Variants in TAFA5 observed in about 807,000 individuals in gnomAD.
TAFA5 encodes TAFA chemokine like family member 5, also known as chemokine-like protein TAFA-5.
A neutral mutation model predicts 15.3 loss-of-function variants in TAFA5; 6 were observed. That is an observed-to-expected ratio of 0.39 (90% confidence interval 0.21 to 0.77). TAFA5 has a LOEUF of 0.77. Ranked by LOEUF, TAFA5 falls within the 30% of genes least tolerant of loss-of-function variation. The pLI is 0.41. For missense variants in TAFA5, 161 were observed against 193.1 expected, an observed-to-expected ratio of 0.83 and a Z score of 0.98; for synonymous variants, 103 against 80.7, an observed-to-expected ratio of 1.28 and a Z score of -1.48.
chr22:48,726,625 G>T (rs1399965677), intron 3 of TAFA5, among the ~76,000 whole-genome samples: 1 of 136,190 alleles, frequency 7.3e-6, no homozygotes, highest in Non-Finnish European at 1.6e-5. Flanking sequence ...CTGGACGGGA[G>T]AATCACTGGT....
chr22:48,556,261 G>C (rs1367234439), intron 1 of TAFA5, among the ~76,000 whole-genome samples: 1 of 152,202 alleles, frequency 6.6e-6, no homozygotes, highest in East Asian at 1.9e-4. Flanking sequence ...TGCATCCCCA[G>C]AGCCCCCTGT....
chr22:48,664,797 G>A (rs866883450), intron 2 of TAFA5, among the ~76,000 whole-genome samples: 7 of 152,162 alleles, frequency 4.6e-5, no homozygotes, highest in African/African-American at 1.7e-4. Flanking sequence ...TCTCATTGCT[G>A]TATAAAATGT....
At chr22:48,708,663 G>A (rs1202984582) in intron 3 of TAFA5, among the ~76,000 whole-genome samples, 1 of 152,218 alleles carries the variant, frequency 6.6e-6, no homozygotes, top group African/African-American at 2.4e-5. Flanking sequence ...TTTGAGGTTG[G>A]CATTGGAAGC....
At chr22:48,688,467 C>G (rs1431584344) in intron 2 of TAFA5, among the ~76,000 whole-genome samples, 1 of 152,216 alleles carries the variant, frequency 6.6e-6, no homozygotes, top group East Asian at 1.9e-4. Flanking sequence ...CAGTGTTCTC[C>G]TGGAGTCTTG....
At position 48,500,638 on chromosome 22, in the gene TAFA5, A is replaced by G. The variant is rs147347181; in HGVS notation, c.112+10934A>G. Among the ~76,000 whole-genome samples the G allele has an allele frequency of 3.3e-5, 5 of 152,346 alleles. No individual in the cohort carries two copies. The East Asian group carries it at 9.7e-4, about 29-fold the overall frequency. ...GGAGAGTAAACCCTGTGAAACACGC[A>G]TACTTAGCAGGCCTGACTTGCGCTT... On this transcript the variant is annotated intron_variant, in intron 1 of 3. Transcript: ENST00000402357.
At position 48,719,301 on chromosome 22, in the gene TAFA5, G is replaced by A. The variant is rs549691954; in HGVS notation, c.390+11457G>A. The stretch of plus-strand genomic sequence containing the variant: ...TGAGGTGGCACGTCCCGTTCCCCTC[G>A]GAGCCCTCCAGCCAGCAGCTCAGCC... On this transcript the variant is annotated intron_variant, in intron 3 of 3. Coordinates refer to ENST00000402357, the MANE Select transcript of TAFA5 (RefSeq NM_001082967.3). Among the ~76,000 whole-genome samples, 19 of 152,284 alleles carry A rather than the reference G, an allele frequency of 1.2e-4. No homozygotes were observed. The South Asian group carries it at 3.1e-3, about 25-fold the overall frequency.
chr22:48,744,039 G>A (rs111234905), intron 3 of TAFA5, among the ~76,000 whole-genome samples: 3 of 152,178 alleles, frequency 2.0e-5, no homozygotes, highest in South Asian at 2.1e-4. Flanking sequence ...GGGAAGCTCC[G>A]AGTTGCGCCT....
At chr22:48,721,337 C>T (rs1051374669) in intron 3 of TAFA5, among the ~76,000 whole-genome samples, 17 of 152,308 alleles carry the variant, frequency 1.1e-4, no homozygotes, top group South Asian at 6.2e-4. Context: ...TCGTCCCGCC[C>T]GCTGCGTGTG....
chr22:48,545,220 A>C, intron 1 of TAFA5: 1 of 291,690 alleles, frequency 3.4e-6, no homozygotes. Flanking sequence ...GAAGCCTGCC[A>C]TCCAGACCGT....
At chr22:48,675,595 C>T (rs948582325) in intron 2 of TAFA5, among the ~76,000 whole-genome samples, 3 of 152,236 alleles carry the variant, frequency 2.0e-5, no homozygotes, top group South Asian at 2.1e-4. Flanking sequence ...TGGTGGCGGC[C>T]GTTTTCAACA....
At chr22:48,633,539 C>T (rs13055995) in intron 1 of TAFA5, among the ~76,000 whole-genome samples, 46,573 of 128,202 alleles carry the variant, frequency 0.36, 9,275 homozygotes, top group African/African-American at 0.52. Context: ...TCTGTCTCTC[C>T]CTCTCTCTCT....
chr22:48,579,616 G>A lies in TAFA5; in HGVS notation c.113-66981G>A, dbSNP rs191458414. Among the ~76,000 whole-genome samples, 10 of 152,294 alleles carry A rather than the reference G, an allele frequency of 6.6e-5. No homozygotes were observed. In the East Asian group the frequency reaches 1.2e-3, roughly 18 times the overall value. The stretch of plus-strand genomic sequence containing the variant: ...CCTCCAAATACGGAGTTAAGGAAAC[G>A]GCGAGAAGTATAAAAATATTTTCCA... On this transcript the variant is annotated intron_variant, in intron 1 of 3. Coordinates refer to ENST00000402357, the MANE Select transcript of TAFA5 (RefSeq NM_001082967.3).
intron 2 of TAFA5, among the ~76,000 whole-genome samples, chr22:48,694,936 C>A (rs1193231913): frequency 6.6e-6 from 1 of 150,500 alleles, no homozygotes. Flanking sequence ...AGTGCTGCCT[C>A]CCATCGGGCA....
At chr22:48,513,342 C>T (rs897807125) in intron 1 of TAFA5, among the ~76,000 whole-genome samples, 2 of 152,242 alleles carry the variant, frequency 1.3e-5, no homozygotes, top group African/African-American at 4.8e-5. Context: ...CGTTTTGCTT[C>T]AAGCCTCAGT....
At chr22:48,507,694 G>T (rs1165094574) in intron 1 of TAFA5, among the ~76,000 whole-genome samples, 1 of 152,198 alleles carries the variant, frequency 6.6e-6, no homozygotes, top group Non-Finnish European at 1.5e-5. Context: ...TTGTCCTAAG[G>T]TAGAAGAGGG....
At chr22:48,534,026 A>T (rs904222573) in intron 1 of TAFA5, among the ~76,000 whole-genome samples, 1 of 152,090 alleles carries the variant, frequency 6.6e-6, no homozygotes, top group Non-Finnish European at 1.5e-5. Flanking sequence ...TGACATGGAG[A>T]AGGAACTCTC....
chr22:48,577,239 C>G (rs2147142827), intron 1 of TAFA5, among the ~76,000 whole-genome samples: 1 of 152,332 alleles, frequency 6.6e-6, no homozygotes, highest in African/African-American at 2.4e-5. Context: ...TGGAGAGGCC[C>G]TTTGTACTGG....
intron 2 of TAFA5, among the ~76,000 whole-genome samples, chr22:48,673,595 C>T (rs1411779147): frequency 1.3e-5 from 2 of 152,202 alleles, no homozygotes; most frequent in African/African-American, 2.4e-5. Flanking sequence ...GACTGAGAGG[C>T]TCTGGGTGTT....
At chr22:48,583,377 C>A (rs1204469813) in intron 1 of TAFA5, among the ~76,000 whole-genome samples, 1 of 149,182 alleles carries the variant, frequency 6.7e-6, no homozygotes, top group East Asian at 2.0e-4. Flanking sequence ...TACCACACAC[C>A]ACATACAAAA....
Sources: gnomAD v4.1 joint callset for allele counts (sites outside exome capture counted in the v4.1 genomes callset) on GRCh38, gnomAD v4.1.1 for gene constraint, MANE v1.5 for transcripts, NCBI Gene and HGNC (gene_info 2026-07-23, HGNC 2026-07-21) for gene names.